Variants in CLNK observed in about 807,000 individuals in gnomAD.
The protein encoded by CLNK is cytokine dependent hematopoietic cell linker.
Under a neutral mutation model 68.6 loss-of-function variants are expected in CLNK, and 74 were observed. That is an observed-to-expected ratio of 1.08 (90% CI 0.89 to 1.31). CLNK has a LOEUF of 1.31. Ranked by LOEUF, CLNK falls within the 50% of genes most tolerant of loss-of-function variation. CLNK has a pLI of 0.00. For missense variants in CLNK, 553 were observed against 515.3 expected (o/e 1.07, Z -0.71); for synonymous variants, 198 against 172.2 (o/e 1.15, Z -1.17).
chr4:10,602,302 C>G (rs1023093392), intron 2 of CLNK, among the ~76,000 whole-genome samples: 1 of 152,116 alleles, frequency 6.6e-6, no homozygotes, highest in Non-Finnish European at 1.5e-5. Flanking sequence ...GGTTTAACGA[C>G]GTGTACCAAG....
chr4:10,705,667 G>A, the CLNK span, among the ~76,000 whole-genome samples: 1 of 152,106 alleles, frequency 6.6e-6, no homozygotes, highest in East Asian at 1.9e-4. Context: ...CGATTGTATT[G>A]GACTTGCTCA....
At chr4:10,590,280 C>T (rs994255678) in intron 3 of CLNK, among the ~76,000 whole-genome samples, 22 of 152,168 alleles carry the variant, frequency 1.4e-4, no homozygotes, top group Admixed American at 3.3e-4. Context: ...AAGTAAACTC[C>T]GCCCCCTCTT....
intron 11 of CLNK, among the ~76,000 whole-genome samples, chr4:10,537,633 CTTT>C (rs1560206742): frequency 6.4e-4 from 85 of 132,290 alleles, no homozygotes; most frequent in Admixed American, 2.5e-3. Flanking sequence ...TTCTTTCTTT[CTTT>C]CTCTTTCTTT....
chr4:10,665,130 G>A (rs1577206459), intron 2 of CLNK, among the ~76,000 whole-genome samples: 1 of 152,354 alleles, frequency 6.6e-6, no homozygotes, highest in East Asian at 1.9e-4. Flanking sequence ...ATCCTAATGG[G>A]AGGAAGCTAA....
chr4:10,705,276 G>C, the CLNK span, among the ~76,000 whole-genome samples: 1 of 152,192 alleles, frequency 6.6e-6, no homozygotes, highest in African/African-American at 2.4e-5. Flanking sequence ...GAACCCATTT[G>C]TCTTCACCAA....
intron 1 of CLNK, among the ~76,000 whole-genome samples, chr4:10,675,044 A>G (rs568630758): frequency 6.6e-6 from 1 of 152,296 alleles, no homozygotes; most frequent in African/African-American, 2.4e-5. Flanking sequence ...TGTGGGGCTT[A>G]AAACCTAGAT....
intron 8 of CLNK, among the ~76,000 whole-genome samples, chr4:10,553,057 G>GC (rs1320662570): frequency 6.6e-6 from 1 of 151,980 alleles, no homozygotes; most frequent in Non-Finnish European, 1.5e-5. Flanking sequence ...GAGGAGGGGG[G>GC]GGCATGCAGG....
intron 2 of CLNK, among the ~76,000 whole-genome samples, chr4:10,622,903 G>A (rs1457749424): frequency 5.9e-5 from 9 of 152,124 alleles, no homozygotes; most frequent in African/African-American, 1.9e-4. Context: ...TTGGTAGAGA[G>A]AGGGAGCTCT....
chr4:10,516,551 CT>C (rs11322271), intron 15 of CLNK, among the ~76,000 whole-genome samples: 119,408 of 132,450 alleles, frequency 0.9, 53,930 homozygotes, highest in Non-Finnish European at 0.95. Flanking sequence ...AGGATTGTAG[CT>C]TTTTTTTTTT....
chr4:10,506,904 A>G (rs1202471498), intron 17 of CLNK, among the ~76,000 whole-genome samples: 1 of 151,390 alleles, frequency 6.6e-6, no homozygotes, highest in Non-Finnish European at 1.5e-5. Flanking sequence ...GGTTCACGCC[A>G]TTCTCCTGCC....
At chr4:10,574,607 AC>A (rs1720482661) in intron 4 of CLNK, among the ~76,000 whole-genome samples, 1 of 151,590 alleles carries the variant, frequency 6.6e-6, no homozygotes, top group Admixed American at 6.6e-5. Flanking sequence ...CCTTTCCCAG[AC>A]CCTCACGCCA....
chr4:10,492,049 C>A (rs966186171), intron 18 of CLNK, among the ~76,000 whole-genome samples: 3 of 152,130 alleles, frequency 2.0e-5, no homozygotes, highest in Non-Finnish European at 4.4e-5. Flanking sequence ...GCTTGCTCAA[C>A]CTGCCTCCCA....
At chr4:10,683,503 A>T (rs963505292) in intron 1 of CLNK, among the ~76,000 whole-genome samples, 3 of 152,218 alleles carry the variant, frequency 2.0e-5, no homozygotes, top group African/African-American at 7.2e-5. Flanking sequence ...TCAGCCAGGA[A>T]AATCAGTTTC....
intron 2 of CLNK, among the ~76,000 whole-genome samples, chr4:10,644,856 A>G (rs1416821074): frequency 2.6e-5 from 4 of 152,210 alleles, no homozygotes; most frequent in Admixed American, 2.6e-4. Context: ...AGATATTTAT[A>G]AGAGGATACT....
At position 10,487,423 on chromosome 4, in the gene CLNK, T is replaced by G. The variant is rs1033901608; in HGVS notation, c.*3044A>C. On this transcript the variant is annotated 3_prime_UTR_variant, in exon 19 of 19. Coordinates refer to ENST00000226951, the MANE Select transcript of CLNK (RefSeq NM_052964.4). ...ATACAATCGAATTTATATACTCTTA[T>G]TATTTAATCATCCATTACAAGCAAA... 6.6e-6 allele frequency: 1 copy of G among 152,222 alleles called. No homozygotes were observed. The highest frequency in any genetic ancestry group is 1.5e-5 in the Non-Finnish European group (1 of 68,032). The allele number at this position is 152,222 out of a possible 1,614,324, so 9.4% of individuals were successfully genotyped here.
At chr4:10,734,456 C>G in the CLNK span, among the ~76,000 whole-genome samples, 1 of 152,194 alleles carries the variant, frequency 6.6e-6, no homozygotes, top group African/African-American at 2.4e-5. Flanking sequence ...TTACTCAGGA[C>G]CAGTCTGTTG....
At chr4:10,653,277 T>G (rs4697767) in intron 2 of CLNK, among the ~76,000 whole-genome samples, 3 of 151,768 alleles carry the variant, frequency 2.0e-5, no homozygotes, top group Admixed American at 2.0e-4. Flanking sequence ...CACCATGGCA[T>G]GTGTATACCT....
intron 1 of CLNK, among the ~76,000 whole-genome samples, chr4:10,678,212 G>C (rs1456865246): frequency 6.6e-6 from 1 of 152,186 alleles, no homozygotes; most frequent in Non-Finnish European, 1.5e-5. Flanking sequence ...ACAGTGAATT[G>C]TACAACTTGA....
rs559672111 is a variant in CLNK at position 10,577,186 on chromosome 4, G to C, written c.113-5408C>G. The stretch of plus-strand genomic sequence containing the variant: ...AGGTTGCTTAGACATTCTCAAGCCA[G>C]ACAGGTTCCCCAAGCAAAACCAGCT... On this transcript the variant is annotated intron_variant, in intron 4 of 18. Coordinates refer to ENST00000226951, the MANE Select transcript of CLNK (RefSeq NM_052964.4). Among the ~76,000 whole-genome samples, 7 of 152,318 alleles carry C rather than the reference G, an allele frequency of 4.6e-5. No individual in the cohort carries two copies. In the South Asian group the frequency reaches 1.4e-3, roughly 32 times the overall value.
Sources: allele counts gnomAD v4.1 joint callset (sites outside exome capture counted in the v4.1 genomes callset), GRCh38; gene constraint gnomAD v4.1.1; transcripts MANE v1.5; gene names NCBI Gene and HGNC (gene_info 2026-07-23, HGNC 2026-07-21).